The following YTHDF3 variants were observed in gnomAD, a reference collection of about 807,000 sequenced individuals.
The protein encoded by YTHDF3 is YTH domain-containing family protein 3.
A neutral mutation model predicts 52.5 loss-of-function variants in YTHDF3; 9 were observed. The ratio of observed to expected loss-of-function variants is 0.17; its 90% CI spans 0.10 to 0.30. YTHDF3 has a LOEUF of 0.30. Ranked by LOEUF, YTHDF3 falls within the 10% of genes least tolerant of loss-of-function variation. The pLI is 1.00. For synonymous variants in YTHDF3, 274 were observed against 243.3 expected, an observed-to-expected ratio of 1.13 and a Z score of -1.18; for missense variants, 534 against 715.0, an observed-to-expected ratio of 0.75 and a Z score of 2.89.
rs185817284 is a variant in YTHDF3 at position 63,191,283 on chromosome 8, T to C, written c.1734+3538T>C. On this transcript the variant is annotated intron_variant, in intron 4 of 4. Transcript: ENST00000539294. ...TTTTTTCTATTAATGTCAACAAATATGTTGAATCTTTGCCCTTGAGTTCTG... is the reference window on the plus strand; with the variant it reads ...TTTTTTCTATTAATGTCAACAAATACGTTGAATCTTTGCCCTTGAGTTCTG... 1.3e-3 allele frequency among the ~76,000 whole-genome samples: 191 copies of C among 152,322 alleles called. 1 individual carries two copies. The highest frequency in any genetic ancestry group is 3.9e-3 in the African/African-American group (161 of 41,584).
chr8:63,168,992 C>G, intron 1 of YTHDF3, 91 bp downstream of exon 1: 3 of 1,508,956 alleles, frequency 2.0e-6, no homozygotes, highest in Non-Finnish European at 2.6e-6. Context: ...GTCGCCGCCG[C>G]TGCCGGCCCC....
chr8:63,173,149 C>T (rs1807437234), intron 2 of YTHDF3, among the ~76,000 whole-genome samples: 1 of 131,906 alleles, frequency 7.6e-6, no homozygotes, highest in Non-Finnish European at 1.5e-5. Flanking sequence ...TCAGGCCTAG[C>T]CTCTTAGAAG....
intron 4 of YTHDF3, among the ~76,000 whole-genome samples, chr8:63,192,917 T>C (rs553223483): frequency 2.2e-4 from 34 of 152,124 alleles, no homozygotes; most frequent in African/African-American, 8.0e-4. Flanking sequence ...TTCTCAAAGC[T>C]TCTGGTATGT....
intron 4 of YTHDF3, among the ~76,000 whole-genome samples, chr8:63,201,355 A>G (rs965659603): frequency 6.6e-6 from 1 of 152,160 alleles, no homozygotes; most frequent in Non-Finnish European, 1.5e-5. Flanking sequence ...CCCTGTCTCT[A>G]TATTTAGAAT....
At chr8:63,205,204 A>G (rs1039001933) in intron 4 of YTHDF3, among the ~76,000 whole-genome samples, 3 of 152,160 alleles carry the variant, frequency 2.0e-5, no homozygotes, top group Non-Finnish European at 4.4e-5. Flanking sequence ...CTCAAATTTC[A>G]GAATCTGTCT....
chr8:63,192,252 G>A (rs1398438631), intron 4 of YTHDF3, among the ~76,000 whole-genome samples: 1 of 152,080 alleles, frequency 6.6e-6, no homozygotes, highest in Non-Finnish European at 1.5e-5. Flanking sequence ...GGCTTTTTGT[G>A]TTTAGTCATT....
intron 2 of YTHDF3, chr8:63,173,687 T>C: frequency 1.0e-6 from 1 of 985,362 alleles, no homozygotes; most frequent in Non-Finnish European, 1.2e-6. Flanking sequence ...AACAGGTATG[T>C]CAGAATCTCT....
intron 3 of YTHDF3, among the ~76,000 whole-genome samples, chr8:63,178,814 A>G (rs749600890): frequency 1.3e-5 from 2 of 149,834 alleles, no homozygotes; most frequent in Non-Finnish European, 2.9e-5. Flanking sequence ...CTAGAAAATT[A>G]AATAAAATGT....
chr8:63,178,355 T>C (rs1223809048), intron 3 of YTHDF3, among the ~76,000 whole-genome samples: 1 of 152,136 alleles, frequency 6.6e-6, no homozygotes, highest in Non-Finnish European at 1.5e-5. Context: ...ATATTGGAAT[T>C]GTGCATAAGA....
At chr8:63,206,496 C>G (rs1485161258) in intron 4 of YTHDF3, among the ~76,000 whole-genome samples, 1 of 152,138 alleles carries the variant, frequency 6.6e-6, no homozygotes, top group African/African-American at 2.4e-5. Context: ...AACCCCTTAT[C>G]TAATCCATCA....
In YTHDF3 at chr8:63,187,084, G is replaced by A. The variant is rs563216596; in HGVS notation, c.1073G>A (p.Arg358His). 4 of 1,613,770 alleles carry A rather than the reference G, an allele frequency of 2.5e-6. No homozygotes were observed. Among genetic ancestry groups the A allele is most frequent in the Non-Finnish European group, 1.7e-6 (2 of 1,179,810 alleles). ...CTGCAGAATCGCTGGGTAGCTCCTC[G>A]TAACAGGGGAGCAGGCTTCAACCAG... Reference protein sequence around the residue: ...QQLQNRWVAPRNRGAGFNQNN... With the variant: ...QQLQNRWVAPHNRGAGFNQNN... The change falls in exon 4 of 5, where the codon CGT (arginine) becomes CAT (histidine). Residue 358 changes from arginine (R) to histidine (H), a missense_variant. Around this residue, in one of 3 missense-constraint regions of YTHDF3, gnomAD observed 203 missense variants for 201.3 expected, o/e 1.01. Transcript: ENST00000539294.
chr8:63,174,902 A>G (rs6994169), intron 2 of YTHDF3, among the ~76,000 whole-genome samples: 12,102 of 152,264 alleles, frequency 0.079, 765 homozygotes, highest in East Asian at 0.18. Context: ...TTATTATACT[A>G]AATAATTTAG....
chr8:63,186,551 G>A lies in YTHDF3; in HGVS notation c.540G>A (p.Lys180=). ...GATTTGGCAATGATACTTTGAGTAA[G>A]GTGCCTGGCATTAGCAGTATTGAGC... is the stretch of plus-strand genomic sequence containing the variant. ...QAGFGNDTLS[K]VPGISSIEQG... The change falls in exon 4 of 5, where the codon AAG becomes AAA. Residue 180 remains lysine, a synonymous_variant. Transcript: ENST00000539294. 1 of 1,613,986 alleles carries A rather than the reference G, an allele frequency of 6.2e-7. No homozygotes were observed. The highest frequency in any genetic ancestry group is 2.2e-5 in the East Asian group (1 of 44,874).
chr8:63,202,437 CATCT>C (rs1402111849), intron 4 of YTHDF3, among the ~76,000 whole-genome samples: 2 of 150,964 alleles, frequency 1.3e-5, no homozygotes, highest in African/African-American at 4.9e-5. Flanking sequence ...GGGTTTTATC[CATCT>C]GTTACTGCCC....
At position 63,210,198 on chromosome 8, in the gene YTHDF3, TTGA is replaced by T. The variant is rs1163985990; in HGVS notation, c.*495_*497del. 4 of 152,964 alleles carry T rather than the reference TTGA, an allele frequency of 2.6e-5. No homozygotes were observed. The highest frequency in any genetic ancestry group is 9.6e-5 in the African/African-American group (4 of 41,466). 9.5% of individuals were successfully genotyped at this position (152,964 alleles called of 1,614,324 possible). A position where few individuals can be genotyped will look rare whatever the true frequency, so the allele number is the denominator to read the frequency against. On this transcript the variant is annotated 3_prime_UTR_variant, in exon 5 of 5. Coordinates refer to ENST00000539294, the MANE Select transcript of YTHDF3 (RefSeq NM_152758.6). ...TAGTCCTGGAGTTCAAGTCTAAATG[TTGA>T]TGTGAAAAATTATTGTAGTAAACTT...
In YTHDF3 at chr8:63,168,705, G is replaced by T. The variant is rs1218802602; in HGVS notation, c.-173G>T. ...AGGAGCGTGCAAGCGGAAAAGACGG[G>T]CCTCTTCCTCCGACTCCCGAGCGCG... On this transcript the variant is annotated 5_prime_UTR_variant, in exon 1 of 5. Transcript: ENST00000539294. 7.9e-7 allele frequency: 1 copy of T among 1,268,016 alleles called. No individual in the cohort carries two copies. The highest frequency in any genetic ancestry group is 2.6e-5 in the East Asian group (1 of 39,042). The allele number at this position is 1,268,016 out of a possible 1,614,324, so 78.5% of individuals were successfully genotyped here.
intron 3 of YTHDF3, among the ~76,000 whole-genome samples, chr8:63,181,099 A>AT (rs2130043024): frequency 6.6e-6 from 1 of 152,358 alleles, no homozygotes; most frequent in South Asian, 2.1e-4. Context: ...TAATTTGTGC[A>AT]TATAAATTTG....
chr8:63,207,332 A>G (rs1810098328), intron 4 of YTHDF3, among the ~76,000 whole-genome samples: 1 of 152,130 alleles, frequency 6.6e-6, no homozygotes, highest in Non-Finnish European at 1.5e-5. Context: ...TATTTCTTAT[A>G]AATTATGTAT....
intron 4 of YTHDF3, among the ~76,000 whole-genome samples, chr8:63,193,374 C>CAAAAAA (rs758787473): frequency 3.7e-5 from 2 of 54,112 alleles, no homozygotes; most frequent in African/African-American, 5.7e-5. Context: ...AGACTCCGTC[C>CAAAAAA]AAAAAAAAAA....
Sources: allele counts gnomAD v4.1 joint callset (sites outside exome capture counted in the v4.1 genomes callset), GRCh38; gene constraint gnomAD v4.1.1; regional missense constraint gnomAD v4.1.1; transcripts MANE v1.5; gene names NCBI Gene and HGNC (gene_info 2026-07-23, HGNC 2026-07-21).